The following SLC28A3 variants were observed in gnomAD, a reference collection of about 807,000 sequenced individuals.
SLC28A3 encodes concentrative Na(+)-nucleoside cotransporter 3.
In SLC28A3, 68 loss-of-function variants were observed where a neutral mutation model predicts 84.2. That is an observed-to-expected ratio of 0.81 (90% CI 0.66 to 0.99). The LOEUF (loss-of-function observed/expected upper bound fraction) is 0.99, where lower values mean the gene tolerates loss of function less well. SLC28A3 is among the 50% of genes least tolerant of loss of function. The pLI is 0.00. For synonymous variants in SLC28A3, 267 were observed against 303.6 expected, an observed-to-expected ratio of 0.88 and a Z score of 1.25; for missense variants, 712 against 841.5, an observed-to-expected ratio of 0.85 and a Z score of 1.90.
At chr9:84,326,398 A>T (rs1486850663) in intron 1 of SLC28A3, among the ~76,000 whole-genome samples, 2 of 152,114 alleles carry the variant, frequency 1.3e-5, no homozygotes, top group African/African-American at 2.4e-5. Flanking sequence ...CAAAACAAAA[A>T]ACAAAACAAA....
Position 84,286,086 on chromosome 9 carries a change from C to T in SLC28A3, c.1306G>A (p.Ala436Thr), listed in dbSNP as rs2118104691. The T allele has an allele frequency of 6.2e-7, 1 of 1,613,906 alleles. No individual in the cohort carries two copies. Residue 436 changes from alanine to threonine, a missense_variant, in exon 13 of 18, where the codon GCA becomes ACA. Coordinates refer to ENST00000376238, the MANE Select transcript of SLC28A3 (RefSeq NM_001199633.2). ...SGDSGNLLEAATQGASSSISL... is the reference protein window; with the variant it reads ...SGDSGNLLEATTQGASSSISL... Reference sequence around the variant, plus strand: ...ATGGAGGAGGATGCTCCCTGTGTTGCAGCTTCTAGAAGATTCCCTGAATCA... The same window carrying T: ...ATGGAGGAGGATGCTCCCTGTGTTGTAGCTTCTAGAAGATTCCCTGAATCA...
intron 14 of SLC28A3, among the ~76,000 whole-genome samples, chr9:84,281,671 T>C (rs12686790): frequency 0.092 from 13,980 of 152,242 alleles, 782 homozygotes; most frequent in African/African-American, 0.15. Context: ...TACATAAATA[T>C]ATATGGCAGC....
chr9:84,315,907 C>T (rs927326973), intron 1 of SLC28A3, among the ~76,000 whole-genome samples: 5 of 152,172 alleles, frequency 3.3e-5, no homozygotes, highest in Non-Finnish European at 5.9e-5. Context: ...ACCACGACTG[C>T]GTTCTCATGG....
intron 10 of SLC28A3, among the ~76,000 whole-genome samples, chr9:84,290,556 G>A (rs1202464931): frequency 5.3e-5 from 8 of 152,108 alleles, no homozygotes; most frequent in South Asian, 4.1e-4. Context: ...CCACACCATC[G>A]ACGTCTGGGT....
chr9:84,291,660 G>A (rs929203440), intron 10 of SLC28A3, among the ~76,000 whole-genome samples: 1 of 152,224 alleles, frequency 6.6e-6, no homozygotes, highest in African/African-American at 2.4e-5. Context: ...TAGAGTAGAG[G>A]CCCGTGCTTC....
At chr9:84,321,733 C>CAGAA (rs1826386411) in intron 1 of SLC28A3, among the ~76,000 whole-genome samples, 1 of 65,108 alleles carries the variant, frequency 1.5e-5, no homozygotes, top group African/African-American at 5.4e-5. Context: ...GACTCCGTCT[C>CAGAA]AAAAAAAAAA....
chr9:84,326,006 A>C (rs1422278217), intron 1 of SLC28A3, among the ~76,000 whole-genome samples: 1 of 152,192 alleles, frequency 6.6e-6, no homozygotes, highest in Non-Finnish European at 1.5e-5. Flanking sequence ...GTGGGGTAGA[A>C]GTAGCAGCTA....
chr9:84,342,015 G>C (rs7867590), upstream of SLC28A3, among the ~76,000 whole-genome samples: 7,980 of 151,428 alleles, frequency 0.053, 420 homozygotes, highest in East Asian at 0.15. Context: ...TGTAGTCCCA[G>C]CTACTCGGGA....
Position 84,292,767 on chromosome 9 carries a change from C to G in SLC28A3, c.943-19G>C. 1 of 1,520,322 alleles carries G rather than the reference C, an allele frequency of 6.6e-7. No homozygotes were observed. Among genetic ancestry groups the G allele is most frequent in the Non-Finnish European group, 8.8e-7 (1 of 1,135,928 alleles). The allele number at this position is 1,520,322 out of a possible 1,614,324, so 94.2% of individuals were successfully genotyped here. A position where few individuals can be genotyped will look rare whatever the true frequency, so the allele number is the denominator to read the frequency against. On this transcript the variant is annotated intron_variant, in intron 9 of 17. Coordinates refer to ENST00000376238, the MANE Select transcript of SLC28A3 (RefSeq NM_001199633.2). ...ATCCAACCTAAAAGGAAGAAAGGGA[C>G]AAAGTCAGCAAAGAACTTTTTGTAT...
At chr9:84,284,236 C>T (rs1399765847) in intron 14 of SLC28A3, among the ~76,000 whole-genome samples, 21 of 152,152 alleles carry the variant, frequency 1.4e-4, no homozygotes, top group Non-Finnish European at 1.5e-5. Context: ...GGCATCTAAA[C>T]AATGAGGATA....
chr9:84,299,641 G>A lies in SLC28A3; in HGVS notation c.609C>T (p.Ser203=). The part of the protein sequence containing the change: ...TAKLGQQQLV[S]FGGLIMYIVL... ...CAATGTACATTATGAGCCCACCGAA[G>A]GACACCAGCTGCTGTTGACCCAATT... Residue 203 remains serine (S), a synonymous_variant, in exon 6 of 18, where the codon TCC becomes TCT. Transcript: ENST00000376238. 3.1e-6 allele frequency: 5 copies of A among 1,613,772 alleles called. No homozygotes were observed. The highest frequency in any genetic ancestry group is 4.2e-6 in the Non-Finnish European group (5 of 1,179,926).
intron 1 of SLC28A3, among the ~76,000 whole-genome samples, chr9:84,314,878 A>G (rs556316148): frequency 1.3e-5 from 2 of 152,310 alleles, no homozygotes; most frequent in Admixed American, 1.3e-4. Flanking sequence ...GGAGATTGAG[A>G]CCATCCTGGC....
chr9:84,354,248 C>T, the SLC28A3 span, among the ~76,000 whole-genome samples: 1 of 152,196 alleles, frequency 6.6e-6, no homozygotes, highest in African/African-American at 2.4e-5. Flanking sequence ...CCAGGCCAAC[C>T]CTCATAGAGG....
chr9:84,286,193 G>T, intron 12 of SLC28A3, 82 bp from the exon 13 acceptor site: 1 of 1,382,988 alleles, frequency 7.2e-7, no homozygotes, highest in Non-Finnish European at 9.9e-7. Flanking sequence ...AGCATAATCA[G>T]AGCTTAGATA....
upstream of SLC28A3, among the ~76,000 whole-genome samples, chr9:84,343,011 A>T (rs1470446415): frequency 1.3e-5 from 2 of 151,934 alleles, no homozygotes; most frequent in Non-Finnish European, 2.9e-5. Context: ...AATACTACAA[A>T]AATTAGCCAG....
rs1827134489 is a variant in SLC28A3, at chr9:84,340,706, T to C, written c.-73A>G. The C allele has an allele frequency of 6.4e-7, 1 of 1,574,204 alleles. No individual in the cohort carries two copies. Among genetic ancestry groups the C allele is most frequent in the Non-Finnish European group, 8.7e-7 (1 of 1,148,214 alleles). ...GGGAAAAAGCACCAGTCTCTGCTGA[T>C]GTCAGAAAGCCACCTGCTGTTACAG... On this transcript the variant is annotated 5_prime_UTR_variant, in exon 1 of 18. Coordinates refer to ENST00000376238, the MANE Select transcript of SLC28A3 (RefSeq NM_001199633.2).
chr9:84,320,050 T>G (rs903763718), intron 1 of SLC28A3, among the ~76,000 whole-genome samples: 2 of 128,736 alleles, frequency 1.6e-5, no homozygotes, highest in African/African-American at 6.6e-5. Flanking sequence ...GTTTTTTTTT[T>G]TTTTTTTTTT....
the SLC28A3 span, among the ~76,000 whole-genome samples, chr9:84,357,852 C>T: frequency 6.6e-6 from 1 of 152,126 alleles, no homozygotes; most frequent in South Asian, 2.1e-4. Context: ...TGGACTTTTC[C>T]CACTGCCCTG....
intron 1 of SLC28A3, among the ~76,000 whole-genome samples, chr9:84,319,202 C>G (rs1826278212): frequency 6.6e-6 from 1 of 152,244 alleles, no homozygotes; most frequent in Non-Finnish European, 1.5e-5. Context: ...GTTTATTACT[C>G]ACTGAAATCC....
Sources: gnomAD v4.1 joint callset for allele counts (sites outside exome capture counted in the v4.1 genomes callset) on GRCh38, gnomAD v4.1.1 for gene constraint, MANE v1.5 for transcripts, NCBI Gene and HGNC (gene_info 2026-07-23, HGNC 2026-07-21) for gene names.